The following CIT variants were observed in gnomAD, a reference collection of about 807,000 sequenced individuals.
CIT encodes citron rho-interacting serine/threonine kinase.
A neutral mutation model predicts 272.7 loss-of-function variants in CIT; 79 were observed. The ratio of observed to expected loss-of-function variants is 0.29; its 90% CI spans 0.24 to 0.35. The LOEUF is 0.35. CIT is among the 10% of genes least tolerant of loss of function. The pLI, the probability that CIT is intolerant of heterozygous loss-of-function variation, is 1.00. For missense variants in CIT, 1,909 were observed against 2,618.3 expected (o/e 0.73, Z 5.91); for synonymous variants, 948 against 995.6 (o/e 0.95, Z 0.90).
chr12:119,863,295 A>C (rs539697954), intron 3 of CIT, among the ~76,000 whole-genome samples: 1 of 152,126 alleles, frequency 6.6e-6, no homozygotes, highest in African/African-American at 2.4e-5. Flanking sequence ...CTCACATATA[A>C]ATGGGAGCTA....
At chr12:119,876,322 ATG>A in intron 1 of CIT, 141 bp from the exon 2 acceptor site, 1 of 574,786 alleles carries the variant, frequency 1.7e-6, no homozygotes, top group Non-Finnish European at 3.1e-6. Context: ...CAGTCTAATC[ATG>A]GAGATTAAAC....
intron 10 of CIT, among the ~76,000 whole-genome samples, chr12:119,797,075 A>C (rs533939569): frequency 6.6e-6 from 1 of 152,236 alleles, no homozygotes; most frequent in Non-Finnish European, 1.5e-5. Flanking sequence ...AAAAAGAACT[A>C]GGAGAAATTC....
At chr12:119,826,386 AC>A (rs541613542) in intron 7 of CIT, among the ~76,000 whole-genome samples, 319 of 152,212 alleles carry the variant, frequency 2.1e-3, no homozygotes, top group Non-Finnish European at 3.7e-3. Flanking sequence ...GCTAAATGTA[AC>A]CCATTTAAAG....
At chr12:119,847,755 G>T (rs747327679) in intron 5 of CIT, among the ~76,000 whole-genome samples, 3 of 152,006 alleles carry the variant, frequency 2.0e-5, no homozygotes, top group African/African-American at 7.3e-5. Context: ...GCAGGGCGTG[G>T]TGTCATGCAC....
chr12:119,798,967 T>C (rs1019076235), intron 10 of CIT, among the ~76,000 whole-genome samples: 2 of 152,230 alleles, frequency 1.3e-5, no homozygotes, highest in East Asian at 1.9e-4. Context: ...TTGTTCAACT[T>C]GATGGGAAGG....
intron 13 of CIT, among the ~76,000 whole-genome samples, chr12:119,780,984 AG>A (rs1239332014): frequency 2.0e-5 from 3 of 152,206 alleles, no homozygotes; most frequent in Non-Finnish European, 4.4e-5. Context: ...TCCGTTTCTA[AG>A]GAATCTATGG....
At chr12:119,772,629 G>C in intron 17 of CIT, 141 bp downstream of exon 17, 4 of 864,706 alleles carry the variant, frequency 4.6e-6, no homozygotes, top group Non-Finnish European at 6.6e-6. Flanking sequence ...ATGATTCCCA[G>C]CCTCTCAGGT....
chr12:119,769,657 G>A (rs537944119), intron 18 of CIT, among the ~76,000 whole-genome samples: 20 of 152,162 alleles, frequency 1.3e-4, no homozygotes, highest in African/African-American at 3.4e-4. Context: ...CTTTGATGAC[G>A]GAACAAGAGA....
chr12:119,850,248 T>G lies in CIT; in HGVS notation c.442A>C (p.Ile148Leu). ...QVSFFEEERN[I>L]LSRSTSPWIP... The stretch of plus-strand genomic sequence containing the variant: ...CACGGGCTTGTGCTTCGAGATAATA[T>G]GTTCCGCTCTTCCTCAAAAAATGAA... The change falls in exon 5 of 48, where the codon ATA becomes CTA. Residue 148 changes from isoleucine to leucine, a missense_variant. Ile to Leu is a conservative substitution (Grantham distance 5). This residue lies in a region of CIT where 529 missense variants were observed against 549.6 expected (regional missense o/e 0.96). Transcript: ENST00000392521. 4 of 1,612,954 alleles carry G rather than the reference T, an allele frequency of 2.5e-6. No individual in the cohort carries two copies. Among genetic ancestry groups the G allele is most frequent in the Non-Finnish European group, 3.4e-6 (4 of 1,179,426 alleles).
intron 39 of CIT, 39 bp from the exon 40 acceptor site, chr12:119,708,357 C>A: frequency 6.7e-7 from 1 of 1,485,398 alleles, no homozygotes; most frequent in Non-Finnish European, 9.0e-7. Context: ...CAGTGTGAAG[C>A]CGTTAAGTAA....
chr12:119,688,127 G>T lies in CIT; in HGVS notation c.*105C>A. 1 of 1,259,372 alleles carries T rather than the reference G, an allele frequency of 7.9e-7. No homozygotes were observed. The highest frequency in any genetic ancestry group is 1.2e-6 in the Non-Finnish European group (1 of 858,434). 78.0% of individuals were successfully genotyped at this position (1,259,372 alleles called of 1,614,324 possible). ...GGGTCTGGGCCCCGCTGAGCCAGAG[G>T]GTGGCTGAGCACGTGGGCGCTTGGG... On this transcript the variant is annotated 3_prime_UTR_variant, in exon 48 of 48. Transcript: ENST00000392521.
chr12:119,851,184 G>A (rs1380168776), intron 4 of CIT, among the ~76,000 whole-genome samples: 1 of 152,136 alleles, frequency 6.6e-6, no homozygotes, highest in Non-Finnish European at 1.5e-5. Flanking sequence ...CTCCCAAAAT[G>A]CTGAGATTAA....
At chr12:119,719,266 C>A (rs1957709430) in intron 30 of CIT, among the ~76,000 whole-genome samples, 1 of 151,414 alleles carries the variant, frequency 6.6e-6, no homozygotes, top group Non-Finnish European at 1.5e-5. Flanking sequence ...TTACAAGACA[C>A]AGAGATGAGT....
intron 4 of CIT, among the ~76,000 whole-genome samples, chr12:119,855,095 G>A (rs992579167): frequency 1.3e-5 from 2 of 151,920 alleles, no homozygotes; most frequent in African/African-American, 4.8e-5. Context: ...CTGCATTCCA[G>A]CACAGATGAC....
At position 119,718,403 on chromosome 12, in the gene CIT, T is replaced by C. The variant is rs1957650864; in HGVS notation, c.4010A>G (p.His1337Arg). Reference protein sequence around the residue: ...ELRSAREEAAHRKATDHPHPS... With the variant: ...ELRSAREEAARRKATDHPHPS... ...GTGTGGGTGGTCCGTTGCTTTGCGGTGGGCAGCTGCAGAGAGACCAGGACA... is the reference window on the plus strand; with the variant it reads ...GTGTGGGTGGTCCGTTGCTTTGCGGCGGGCAGCTGCAGAGAGACCAGGACA... The change falls in exon 32 of 48, where the codon CAC becomes CGC. Residue 1337 changes from histidine (H) to arginine (R), a missense_variant. Coordinates refer to ENST00000392521, the MANE Select transcript of CIT (RefSeq NM_001206999.2). This position sits in a 1 kb window ranked among gnomAD's most constrained non-coding sequence, Gnocchi z 4.8. 1.2e-6 allele frequency: 2 copies of C among 1,611,628 alleles called. No homozygotes were observed. Among genetic ancestry groups the C allele is most frequent in the Non-Finnish European group, 8.5e-7 (1 of 1,178,878 alleles).
intron 5 of CIT, among the ~76,000 whole-genome samples, chr12:119,847,617 G>A (rs572839939): frequency 4.2e-5 from 6 of 142,814 alleles, no homozygotes; most frequent in South Asian, 4.5e-4. Flanking sequence ...AAGAAAAGGC[G>A]CAGTGGCTCA....
rs1009438915 is a variant in CIT, at chr12:119,784,337, T to C, written c.1402-286A>G. 1.5e-5 allele frequency: 21 copies of C among 1,388,772 alleles called. No homozygotes were observed. Among genetic ancestry groups the C allele is most frequent in the Non-Finnish European group, 2.0e-5 (21 of 1,054,640 alleles). The allele number at this position is 1,388,772 out of a possible 1,614,324, so 86.0% of individuals were successfully genotyped here. A position where few individuals can be genotyped will look rare whatever the true frequency, so the allele number is the denominator to read the frequency against. On this transcript the variant is annotated intron_variant, in intron 11 of 47. Coordinates refer to ENST00000392521, the MANE Select transcript of CIT (RefSeq NM_001206999.2). The surrounding 1 kb of genome is among the most constrained non-coding windows in gnomAD (Gnocchi z 4.7). ...GCCACAATCATCATTTTTCACCTGT[T>C]TGCTTTTGTTTTTGTTTTGTTTTTG...
At chr12:119,775,212 G>T (rs1288037602) in intron 16 of CIT, among the ~76,000 whole-genome samples, 2 of 152,094 alleles carry the variant, frequency 1.3e-5, no homozygotes, top group East Asian at 3.9e-4. Flanking sequence ...GGCGGAGGTT[G>T]CAGTGAGCCA....
At chr12:119,809,197 T>G (rs1455204177) in intron 9 of CIT, among the ~76,000 whole-genome samples, 1 of 151,874 alleles carries the variant, frequency 6.6e-6, no homozygotes, top group African/African-American at 2.4e-5. Flanking sequence ...GAAAGTGAAG[T>G]CTTGATGGAT....
Sources: allele counts gnomAD v4.1 joint callset (sites outside exome capture counted in the v4.1 genomes callset), GRCh38; gene constraint gnomAD v4.1.1; regional missense constraint gnomAD v4.1.1; non-coding constraint Gnocchi (gnomAD v3.1); transcripts MANE v1.5; gene names NCBI Gene and HGNC (gene_info 2026-07-23, HGNC 2026-07-21).